The following TXNDC16 variants were observed in gnomAD, a reference collection of about 807,000 sequenced individuals.
The protein encoded by TXNDC16 is thioredoxin domain containing 16.
Under a neutral mutation model 85.6 loss-of-function variants are expected in TXNDC16, and 74 were observed. The observed-to-expected ratio is 0.86, with a 90% confidence interval of 0.72 to 1.05. The LOEUF is 1.05. TXNDC16 is among the 50% of genes least tolerant of loss of function. The pLI is 0.00. For missense variants in TXNDC16, 959 were observed against 947.0 expected (o/e 1.01, Z -0.17); for synonymous variants, 335 against 326.5 (o/e 1.03, Z -0.28).
rs1308429010 is a variant in TXNDC16 at position 52,536,767 on chromosome 14, G to A, written c.344C>T (p.Pro115Leu). ...ATTCACATCAAACAAGGTGTCAGTA[G>A]GGAATTCTCTGAGCAATATGTTGCC... ...FKGNILLREF[P>L]TDTLFDVNAI... The change falls in exon 6 of 21, where the codon CCT becomes CTT. Residue 115 changes from proline (P) to leucine (L), a missense_variant. Transcript: ENST00000281741. The A allele has an allele frequency of 4.3e-6, 7 of 1,611,686 alleles. No individual in the cohort carries two copies. Among genetic ancestry groups the A allele is most frequent in the Non-Finnish European group, 4.2e-6 (5 of 1,178,666 alleles).
intron 12 of TXNDC16, among the ~76,000 whole-genome samples, chr14:52,488,124 G>A (rs1292824734): frequency 6.6e-6 from 1 of 152,192 alleles, no homozygotes; most frequent in Non-Finnish European, 1.5e-5. Context: ...GCACAGATGT[G>A]GGAAGTTTGA....
At chr14:52,489,086 G>C (rs1294537590) in intron 11 of TXNDC16, among the ~76,000 whole-genome samples, 5 of 152,004 alleles carry the variant, frequency 3.3e-5, no homozygotes, top group African/African-American at 1.2e-4. Flanking sequence ...GTAATACCAA[G>C]TTCTACCTCT....
intron 16 of TXNDC16, among the ~76,000 whole-genome samples, chr14:52,460,790 T>C (rs1256943674): frequency 6.6e-6 from 1 of 152,138 alleles, no homozygotes; most frequent in African/African-American, 2.4e-5. Context: ...TTTCTCCCTT[T>C]TTTGAGAGTT....
At position 52,490,351 on chromosome 14, in the gene TXNDC16, A is replaced by G. The variant is rs770895007; in HGVS notation, c.984+40T>C. The stretch of plus-strand genomic sequence containing the variant: ...AGACCACATATATTAGCTTTCTTTA[A>G]ATAAACAGATATTGTAGAACAATAC... On this transcript the variant is annotated intron_variant, in intron 11 of 20. Transcript: ENST00000281741. The G allele has an allele frequency of 9.2e-6, 13 of 1,415,074 alleles. No homozygotes were observed. In the African/African-American group the frequency reaches 1.6e-4, roughly 18 times the overall value. The allele number at this position is 1,415,074 out of a possible 1,614,324, so 87.7% of individuals were successfully genotyped here.
At chr14:52,546,369 G>A (rs1037108557) in intron 1 of TXNDC16, among the ~76,000 whole-genome samples, 5 of 152,138 alleles carry the variant, frequency 3.3e-5, no homozygotes, top group South Asian at 2.1e-4. Context: ...AGAGAAATGC[G>A]GCCTTGTTAC....
intron 16 of TXNDC16, among the ~76,000 whole-genome samples, chr14:52,468,462 C>G (rs1034647030): frequency 6.6e-6 from 1 of 151,878 alleles, no homozygotes; most frequent in Non-Finnish European, 1.5e-5. Flanking sequence ...TATCATTAAA[C>G]AAAGCTAAAG....
At chr14:52,507,260 T>C (rs903317001) in intron 9 of TXNDC16, among the ~76,000 whole-genome samples, 2 of 152,128 alleles carry the variant, frequency 1.3e-5, no homozygotes, top group African/African-American at 2.4e-5. Context: ...AGTATTCTTA[T>C]ACACCAAGGA....
At chr14:52,457,467 ACT>A in intron 16 of TXNDC16, among the ~76,000 whole-genome samples, 1 of 152,328 alleles carries the variant, frequency 6.6e-6, no homozygotes, top group Admixed American at 6.5e-5. Flanking sequence ...CTGAATAAAT[ACT>A]TTTTGCCTTT....
At chr14:52,490,287 T>C (rs751320272) in intron 11 of TXNDC16, 104 bp downstream of exon 11, 70 of 775,484 alleles carry the variant, frequency 9.0e-5, no homozygotes, top group Non-Finnish European at 1.1e-4. Flanking sequence ...TAGGAGCAAT[T>C]TATAATTTAC....
chr14:52,493,919 T>C (rs552753409), intron 9 of TXNDC16, among the ~76,000 whole-genome samples: 6 of 152,100 alleles, frequency 3.9e-5, no homozygotes, highest in Admixed American at 2.6e-4. Flanking sequence ...TAGCTGGGAC[T>C]ACAGGCATGC....
Position 52,511,266 on chromosome 14 carries a change from T to A in TXNDC16, c.730A>T (p.Ile244Phe), listed in dbSNP as rs748491461. 2.5e-5 allele frequency: 40 copies of A among 1,584,200 alleles called. No homozygotes were observed. The highest frequency in any genetic ancestry group is 3.4e-5 in the Non-Finnish European group (39 of 1,161,946). Residue 244 changes from isoleucine to phenylalanine, a missense_variant, in exon 9 of 21, where the codon ATT becomes TTT. Coordinates refer to ENST00000281741, the MANE Select transcript of TXNDC16 (RefSeq NM_020784.3). ...AACAGAGGTGCTTTCATTGTCTTAA[T>A]AAACAGGTGAATGTTCAGTGTAGTC... ...PLTTLNIHLF[I>F]KTMKAPLLTE... is the part of the protein sequence containing the mutation.
chr14:52,479,008 A>C (rs2036082716), intron 14 of TXNDC16, among the ~76,000 whole-genome samples: 1 of 152,108 alleles, frequency 6.6e-6, no homozygotes, highest in South Asian at 2.1e-4. Flanking sequence ...GGATGATTAA[A>C]ATACACAAGT....
intron 9 of TXNDC16, among the ~76,000 whole-genome samples, chr14:52,496,983 T>C (rs2036547545): frequency 6.6e-6 from 1 of 152,004 alleles, no homozygotes; most frequent in Non-Finnish European, 1.5e-5. Context: ...GCAGATAAAG[T>C]CATAGGGTAG....
intron 9 of TXNDC16, among the ~76,000 whole-genome samples, chr14:52,506,313 C>T (rs1357062037): frequency 1.3e-5 from 2 of 152,088 alleles, no homozygotes; most frequent in African/African-American, 2.4e-5. Flanking sequence ...AACATTGATG[C>T]AAAAATCCTC....
intron 12 of TXNDC16, 91 bp from the exon 13 acceptor site, chr14:52,483,056 A>G: frequency 9.2e-7 from 1 of 1,086,846 alleles, no homozygotes; most frequent in Admixed American, 3.1e-5. Flanking sequence ...ATAATTCAGT[A>G]CTTTATACAA....
At chr14:52,491,256 A>C (rs183281161) in intron 9 of TXNDC16, among the ~76,000 whole-genome samples, 3 of 151,258 alleles carry the variant, frequency 2.0e-5, no homozygotes, top group Non-Finnish European at 4.4e-5. Flanking sequence ...ATCACAGCTC[A>C]TTGTAGCCTT....
At chr14:52,520,398 C>A (rs1179252552) in intron 6 of TXNDC16, among the ~76,000 whole-genome samples, 1 of 152,040 alleles carries the variant, frequency 6.6e-6, no homozygotes, top group Non-Finnish European at 1.5e-5. Context: ...CCGAGGCGGG[C>A]GGATCACGAG....
At chr14:52,486,484 T>C (rs1457653335) in intron 12 of TXNDC16, among the ~76,000 whole-genome samples, 4 of 152,096 alleles carry the variant, frequency 2.6e-5, no homozygotes, top group Admixed American at 2.0e-4. Context: ...GGTTTTGTCA[T>C]GTTGCCCAGG....
intron 4 of TXNDC16, among the ~76,000 whole-genome samples, chr14:52,541,038 C>T (rs1264476634): frequency 6.6e-6 from 1 of 152,068 alleles, no homozygotes; most frequent in Non-Finnish European, 1.5e-5. Flanking sequence ...GAGTTCAAGA[C>T]CAGCCTGGCC....
Sources: allele counts gnomAD v4.1 joint callset (sites outside exome capture counted in the v4.1 genomes callset), GRCh38; gene constraint gnomAD v4.1.1; transcripts MANE v1.5; gene names NCBI Gene and HGNC (gene_info 2026-07-23, HGNC 2026-07-21).